Variants in CCDC102B observed in about 807,000 individuals in gnomAD.
CCDC102B encodes coiled-coil domain-containing protein 102B.
CCDC102B carries 75 observed loss-of-function variants against 57.4 expected under a neutral mutation model. The observed-to-expected ratio is 1.31, with a 90% CI of 1.08 to 1.58. CCDC102B has a LOEUF of 1.58. Among genes scored for constraint, CCDC102B ranks in the 40% most tolerant of loss-of-function variants. CCDC102B has a pLI of 0.00. For missense variants in CCDC102B, 636 were observed against 582.6 expected (o/e 1.09, Z -0.94); for synonymous variants, 206 against 201.9 (o/e 1.02, Z -0.17).
At chr18:68,994,646 C>T (rs542302954) in intron 6 of CCDC102B, among the ~76,000 whole-genome samples, 3 of 152,082 alleles carry the variant, frequency 2.0e-5, no homozygotes, top group Middle Eastern at 3.2e-3. Flanking sequence ...GGGTTCTTCC[C>T]CTTTCTTCCT....
At chr18:68,897,760 T>G in intron 6 of CCDC102B, 1 of 621,282 alleles carries the variant, frequency 1.6e-6, no homozygotes, top group Admixed American at 3.5e-5. Context: ...TGATCTTATT[T>G]CCAATAAAGA....
chr18:68,772,634 T>A (rs2034678245), intron 2 of CCDC102B, among the ~76,000 whole-genome samples: 1 of 152,178 alleles, frequency 6.6e-6, no homozygotes, highest in African/African-American at 2.4e-5. Flanking sequence ...TATTCCTTGA[T>A]AGATGTTATC....
intron 2 of CCDC102B, among the ~76,000 whole-genome samples, chr18:68,717,500 G>A (rs964278356): frequency 6.6e-6 from 1 of 151,862 alleles, no homozygotes; most frequent in African/African-American, 2.4e-5. Context: ...TATATACTTG[G>A]TTTGCATTAC....
intron 1 of CCDC102B, among the ~76,000 whole-genome samples, chr18:68,821,872 CAA>C (rs1197443861): frequency 6.6e-6 from 1 of 151,718 alleles, no homozygotes; most frequent in African/African-American, 2.4e-5. Context: ...TAAAATATTC[CAA>C]AATAATTTCA....
intron 4 of CCDC102B, among the ~76,000 whole-genome samples, chr18:68,857,331 AAT>A (rs2038514191): frequency 1.3e-5 from 1 of 76,180 alleles, no homozygotes; most frequent in Non-Finnish European, 2.6e-5. Flanking sequence ...ATATATATAA[AAT>A]ATATATTTAT....
intron 6 of CCDC102B, among the ~76,000 whole-genome samples, chr18:68,991,863 CATT>C (rs2050876627): frequency 6.6e-6 from 1 of 152,182 alleles, no homozygotes; most frequent in African/African-American, 2.4e-5. Context: ...TCTAAACTGA[CATT>C]ATTTTTATTT....
intron 5 of CCDC102B, among the ~76,000 whole-genome samples, chr18:68,896,214 A>G (rs2040236915): frequency 6.6e-6 from 1 of 152,078 alleles, no homozygotes; most frequent in Non-Finnish European, 1.5e-5. Flanking sequence ...GCAGACGAAT[A>G]TAATTTCATC....
At chr18:68,745,797 C>A (rs2145232494) in intron 2 of CCDC102B, among the ~76,000 whole-genome samples, 1 of 152,278 alleles carries the variant, frequency 6.6e-6, no homozygotes, top group Non-Finnish European at 1.5e-5. Context: ...TGAGATAAAC[C>A]TTTTAAGCTT....
rs2050658131 is a variant in CCDC102B at position 68,983,910 on chromosome 18, A to T, written c.1264-27024A>T. ...AGTGAAAAAATGATTCTGGAGAATA[A>T]TACAAAAAATATCATCACAATAACA... On this transcript the variant is annotated intron_variant, in intron 6 of 7. Coordinates refer to ENST00000360242, the MANE Select transcript of CCDC102B (RefSeq NM_024781.3). Among the ~76,000 whole-genome samples the T allele has an allele frequency of 2.0e-5, 3 of 152,074 alleles. No homozygotes were observed. The South Asian group carries it at 6.2e-4, about 31-fold the overall frequency.
At chr18:68,845,996 A>C (rs1301967405) in intron 3 of CCDC102B, among the ~76,000 whole-genome samples, 3 of 151,652 alleles carry the variant, frequency 2.0e-5, no homozygotes, top group African/African-American at 7.2e-5. Flanking sequence ...ATATCCTCCT[A>C]TGTAAGAGAA....
At chr18:68,806,908 G>A (rs183027671) in intron 1 of CCDC102B, among the ~76,000 whole-genome samples, 2 of 152,148 alleles carry the variant, frequency 1.3e-5, no homozygotes, top group East Asian at 3.9e-4. Flanking sequence ...CATTTCAAGC[G>A]TTCCCTAACT....
chr18:68,954,771 G>A (rs1439361261), intron 6 of CCDC102B, among the ~76,000 whole-genome samples: 1 of 152,150 alleles, frequency 6.6e-6, no homozygotes, highest in South Asian at 2.1e-4. Flanking sequence ...AAATGCTCAA[G>A]TGATTTTCAT....
chr18:68,747,273 C>T (rs1405809944), intron 2 of CCDC102B, among the ~76,000 whole-genome samples: 2 of 152,102 alleles, frequency 1.3e-5, no homozygotes, highest in African/African-American at 2.4e-5. Context: ...GTATTCTATT[C>T]TCTACTTCTA....
At chr18:69,044,315 C>T (rs113741010) in intron 7 of CCDC102B, among the ~76,000 whole-genome samples, 2,668 of 152,230 alleles carry the variant, frequency 0.018, 81 homozygotes, top group African/African-American at 0.06. Context: ...CATTTTGCCA[C>T]AGTAACTTTG....
intron 7 of CCDC102B, among the ~76,000 whole-genome samples, chr18:69,031,225 C>A (rs1430740685): frequency 6.6e-6 from 1 of 152,028 alleles, no homozygotes; most frequent in Non-Finnish European, 1.5e-5. Flanking sequence ...ATATATTATT[C>A]TTCTGAGCAT....
chr18:68,808,743 G>C (rs2036135242), intron 1 of CCDC102B, among the ~76,000 whole-genome samples: 1 of 152,082 alleles, frequency 6.6e-6, no homozygotes, highest in Non-Finnish European at 1.5e-5. Context: ...CTCCCAAAGT[G>C]CCGGGATTAC....
intron 4 of CCDC102B, among the ~76,000 whole-genome samples, chr18:68,856,595 A>T (rs1014744163): frequency 6.6e-6 from 1 of 152,216 alleles, no homozygotes; most frequent in Admixed American, 6.5e-5. Flanking sequence ...CACTGTGCAC[A>T]GCCCCACTAA....
chr18:68,946,426 A>G (rs2049540472), intron 6 of CCDC102B, among the ~76,000 whole-genome samples: 2 of 152,048 alleles, frequency 1.3e-5, no homozygotes, highest in African/African-American at 4.8e-5. Context: ...ATACTTAAAT[A>G]TATTTAACAG....
At chr18:68,850,861 C>G (rs762608818) in intron 4 of CCDC102B, among the ~76,000 whole-genome samples, 14 of 152,058 alleles carry the variant, frequency 9.2e-5, no homozygotes, top group Non-Finnish European at 1.6e-4. Context: ...CCTACACCAG[C>G]CACACCTTTC....
Sources: allele counts gnomAD v4.1 joint callset (sites outside exome capture counted in the v4.1 genomes callset), GRCh38; gene constraint gnomAD v4.1.1; transcripts MANE v1.5; gene names NCBI Gene and HGNC (gene_info 2026-07-23, HGNC 2026-07-21).